The following TMEM245 variants were observed in gnomAD, a reference collection of about 807,000 sequenced individuals.
TMEM245 encodes protein CG-2.
Under a neutral mutation model 101.2 loss-of-function variants are expected in TMEM245, and 69 were observed. The ratio of observed to expected loss-of-function variants is 0.68; its 90% CI spans 0.56 to 0.83. The LOEUF is 0.83. Among genes scored for constraint, TMEM245 ranks in the 40% least tolerant of loss-of-function variants. The pLI is 0.00. For missense variants in TMEM245, 1,075 were observed against 1,092.8 expected, an observed-to-expected ratio of 0.98 and a Z score of 0.23; for synonymous variants, 537 against 449.8, an observed-to-expected ratio of 1.19 and a Z score of -2.45.
At chr9:109,032,430 G>C (rs1191021289) in intron 17 of TMEM245, among the ~76,000 whole-genome samples, 1 of 114,782 alleles carries the variant, frequency 8.7e-6, no homozygotes, top group Non-Finnish European at 1.7e-5. Context: ...TGTCACCCAG[G>C]CTGGAATCCA....
At chr9:109,117,177 T>A (rs1307999054) in intron 1 of TMEM245, among the ~76,000 whole-genome samples, 1 of 152,092 alleles carries the variant, frequency 6.6e-6, no homozygotes, top group Non-Finnish European at 1.5e-5. Flanking sequence ...TGGTGCAATC[T>A]TGGCTCACTC....
At chr9:109,063,922 A>C (rs1211102062) in intron 10 of TMEM245, among the ~76,000 whole-genome samples, 1 of 152,226 alleles carries the variant, frequency 6.6e-6, no homozygotes, top group African/African-American at 2.4e-5. Flanking sequence ...ACACACTGCG[A>C]GCATGCTACA....
intron 4 of TMEM245, among the ~76,000 whole-genome samples, chr9:109,091,895 AATT>A (rs1830016687): frequency 1.3e-5 from 2 of 152,320 alleles, no homozygotes; most frequent in Admixed American, 6.5e-5. Flanking sequence ...TAATAATGAA[AATT>A]ATTAAGATCC....
rs12344205 is a variant in TMEM245 at position 109,087,452 on chromosome 9, T to G, written c.1151-110A>C. The G allele has an allele frequency of 0.054, 58,831 of 1,084,356 alleles. 2,173 individuals are homozygous for G. The highest frequency in any genetic ancestry group is 0.14 in the Admixed American group (4,477 of 31,606). The allele number at this position is 1,084,356 out of a possible 1,614,324, so 67.2% of individuals were successfully genotyped here. On this transcript the variant is annotated intron_variant, in intron 5 of 17. Transcript: ENST00000374586. ...CTTTCTAAAACAACAAAGCTAGTATTAAAAAGAAGATCAATGTTAAAAAGC... is the reference window on the plus strand; with the variant it reads ...CTTTCTAAAACAACAAAGCTAGTATGAAAAAGAAGATCAATGTTAAAAAGC...
intron 1 of TMEM245, among the ~76,000 whole-genome samples, chr9:109,117,323 G>C (rs972988256): frequency 3.3e-5 from 5 of 150,474 alleles, no homozygotes; most frequent in Non-Finnish European, 5.9e-5. Context: ...TCACCATGTT[G>C]GCCAGGCTGG....
chr9:109,096,867 AT>A (rs1225609912), intron 3 of TMEM245, among the ~76,000 whole-genome samples: 1 of 152,242 alleles, frequency 6.6e-6, no homozygotes, highest in Non-Finnish European at 1.5e-5. Context: ...AGATCATTGG[AT>A]AGCTCTTCAA....
rs748622383 is a variant in TMEM245, at chr9:109,108,526, C to T, written c.624G>A (p.Lys208=). 3.1e-6 allele frequency: 5 copies of T among 1,610,594 alleles called. No homozygotes were observed. In the Admixed American group the frequency reaches 8.4e-5, roughly 27 times the overall value. The change falls in exon 2 of 18, where the codon AAG becomes AAA. Residue 208 remains lysine (K), a synonymous_variant. Transcript: ENST00000374586. ...AGTAGCGTTCAGTGCTTGCATTCCACTTGAATGAAACAGTCAACACATAGC... is the reference window on the plus strand; with the variant it reads ...AGTAGCGTTCAGTGCTTGCATTCCATTTGAATGAAACAGTCAACACATAGC... The part of the protein sequence containing the change: ...VVGYVLTVSF[K]WNASTERYLR...
chr9:109,114,952 G>C (rs1830674583), intron 1 of TMEM245, among the ~76,000 whole-genome samples: 1 of 152,172 alleles, frequency 6.6e-6, no homozygotes, highest in South Asian at 2.1e-4. Context: ...TAAATGATTA[G>C]TGTTTCACTT....
rs1480803002 is a variant in TMEM245 at position 109,042,140 on chromosome 9, C to A, written c.2124-4023G>T. Among the ~76,000 whole-genome samples, 3 of 152,094 alleles carry A rather than the reference C, an allele frequency of 2.0e-5. No individual in the cohort carries two copies. In the East Asian group the frequency reaches 5.8e-4, roughly 29 times the overall value. On this transcript the variant is annotated intron_variant, in intron 14 of 17. Transcript: ENST00000374586. The stretch of plus-strand genomic sequence containing the variant: ...CAGTATTATAGGTTATTTAACCTTA[C>A]AATTTAAAATAACCAAACCAAAACT...
At chr9:109,107,817 T>A (rs930054505) in intron 2 of TMEM245, among the ~76,000 whole-genome samples, 5 of 152,096 alleles carry the variant, frequency 3.3e-5, no homozygotes, top group African/African-American at 1.2e-4. Flanking sequence ...AAAATCAACA[T>A]CTGAGCAGCC....
intron 12 of TMEM245, 79 bp from the exon 13 acceptor site, chr9:109,050,771 A>G: frequency 3.3e-6 from 5 of 1,535,444 alleles, no homozygotes; most frequent in Non-Finnish European, 4.5e-6. Context: ...TGCTTTTAAT[A>G]CAGTGTTTTA....
chr9:109,075,456 T>G (rs1160021380), intron 8 of TMEM245, among the ~76,000 whole-genome samples: 1 of 152,184 alleles, frequency 6.6e-6, no homozygotes, highest in East Asian at 1.9e-4. Context: ...CGCTACATGT[T>G]TGATAAAACT....
intron 3 of TMEM245, among the ~76,000 whole-genome samples, chr9:109,096,322 C>A: frequency 6.6e-6 from 1 of 152,120 alleles, no homozygotes; most frequent in East Asian, 1.9e-4. Flanking sequence ...ACTAAAAACA[C>A]AAAAATTAGC....
intron 10 of TMEM245, among the ~76,000 whole-genome samples, chr9:109,062,709 C>A (rs1294368765): frequency 6.6e-6 from 1 of 152,162 alleles, no homozygotes; most frequent in Non-Finnish European, 1.5e-5. Context: ...GTGGCTCATG[C>A]CTTGTAATCA....
intron 17 of TMEM245, among the ~76,000 whole-genome samples, chr9:109,020,843 G>C (rs1281532238): frequency 6.6e-6 from 1 of 152,170 alleles, no homozygotes; most frequent in Non-Finnish European, 1.5e-5. Flanking sequence ...CTTCCACCTT[G>C]TTACTGGCTG....
At chr9:109,074,387 G>A (rs374739290) in intron 8 of TMEM245, among the ~76,000 whole-genome samples, 11 of 152,144 alleles carry the variant, frequency 7.2e-5, no homozygotes, top group Admixed American at 1.3e-4. Context: ...ACAGAGAGGC[G>A]TAACAGCTCA....
intron 3 of TMEM245, among the ~76,000 whole-genome samples, chr9:109,100,557 C>A (rs754606232): frequency 6.6e-6 from 1 of 151,962 alleles, no homozygotes; most frequent in Non-Finnish European, 1.5e-5. Context: ...ACTATCTTGA[C>A]CAGGCAAGGT....
At chr9:109,071,175 G>A (rs572147685) in intron 9 of TMEM245, among the ~76,000 whole-genome samples, 5 of 151,628 alleles carry the variant, frequency 3.3e-5, no homozygotes, top group South Asian at 2.1e-4. Flanking sequence ...GCCACCCACC[G>A]CACCTGGCCA....
At chr9:109,021,819 CA>C (rs1026426438) in intron 17 of TMEM245, among the ~76,000 whole-genome samples, 2 of 151,754 alleles carry the variant, frequency 1.3e-5, no homozygotes, top group African/African-American at 4.8e-5. Flanking sequence ...ACCACCCCCC[CA>C]AAAAAAGCAA....
Sources: gnomAD v4.1 joint callset for allele counts (sites outside exome capture counted in the v4.1 genomes callset) on GRCh38, gnomAD v4.1.1 for gene constraint, MANE v1.5 for transcripts, NCBI Gene and HGNC (gene_info 2026-07-23, HGNC 2026-07-21) for gene names.